Variants in SRGAP2C observed in about 807,000 individuals in gnomAD.
The protein encoded by SRGAP2C is SLIT-ROBO Rho GTPase-activating protein 2C.
In SRGAP2C, 15 loss-of-function variants were observed where a neutral mutation model predicts 25.1. The ratio of observed to expected loss-of-function variants is 0.60; its 90% confidence interval spans 0.40 to 0.92. The LOEUF is 0.92. Ranked by LOEUF, SRGAP2C falls within the 40% of genes least tolerant of loss-of-function variation. The pLI is 0.00. For missense variants in SRGAP2C, 144 were observed against 264.4 expected (o/e 0.54, Z 3.16); for synonymous variants, 44 against 96.6 (o/e 0.46, Z 3.19).
chr1:121,277,981 C>T (rs1657145496), intron 2 of SRGAP2C, among the ~76,000 whole-genome samples: 1 of 145,284 alleles, frequency 6.9e-6, no homozygotes, highest in Non-Finnish European at 1.5e-5. Context: ...TGCTCTGTCA[C>T]CCAGGCTGGA....
chr1:121,336,017 G>A (rs1279614460), intron 4 of SRGAP2C, among the ~76,000 whole-genome samples: 1 of 150,558 alleles, frequency 6.6e-6, no homozygotes, highest in Non-Finnish European at 1.5e-5. Flanking sequence ...GTATATTTTG[G>A]TTTTGCCCTT....
intron 7 of SRGAP2C, among the ~76,000 whole-genome samples, chr1:121,379,070 T>C (rs1553354131): frequency 6.6e-6 from 1 of 152,208 alleles, no homozygotes; most frequent in Non-Finnish European, 1.5e-5. Context: ...ATTGTCCTCA[T>C]GCATAGCTGG....
At chr1:121,283,728 C>T in intron 2 of SRGAP2C, among the ~76,000 whole-genome samples, 1 of 151,020 alleles carries the variant, frequency 6.6e-6, no homozygotes, top group Non-Finnish European at 1.5e-5. Flanking sequence ...TGGCTCCATT[C>T]TGACTCAGAT....
Position 121,284,934 on chromosome 1 carries a change from C to T in SRGAP2C, c.199C>T (p.Leu67=), listed in dbSNP as rs1657325714. ...GATTGAGATGGACTACTCCCGCAAC[C>T]TGGAGAAGCTGGCAGAACACTTCCT... is the stretch of plus-strand genomic sequence containing the variant. ...AEIEMDYSRN[L]EKLAEHFLAK... is the part of the protein sequence containing the mutation. Residue 67 remains leucine, a synonymous_variant, in exon 3 of 10, where the codon CTG becomes TTG. Transcript: ENST00000367123. 45 of 1,547,276 alleles carry T rather than the reference C, an allele frequency of 2.9e-5. 1 individual carries two copies. The South Asian group carries it at 5.2e-4, about 18-fold the overall frequency.
At chr1:121,188,431 G>C (rs1654583694) in intron 2 of SRGAP2C, among the ~76,000 whole-genome samples, 1 of 150,060 alleles carries the variant, frequency 6.7e-6, no homozygotes, top group Non-Finnish European at 1.5e-5. Context: ...GTTCCTGCCT[G>C]TTAAAGAGCT....
chr1:121,378,745 G>T (rs1302176199), intron 7 of SRGAP2C, among the ~76,000 whole-genome samples: 3 of 152,068 alleles, frequency 2.0e-5, no homozygotes, highest in Non-Finnish European at 2.9e-5. Context: ...CCTTCCTAGT[G>T]GTTCTGAAGC....
chr1:121,235,692 C>A (rs1655941075), intron 2 of SRGAP2C, among the ~76,000 whole-genome samples: 1 of 61,154 alleles, frequency 1.6e-5, no homozygotes, highest in Non-Finnish European at 2.9e-5. Flanking sequence ...AATGAACCTC[C>A]ATGTACCCAA....
chr1:121,190,148 G>A (rs1434056458), intron 2 of SRGAP2C, among the ~76,000 whole-genome samples: 1 of 152,190 alleles, frequency 6.6e-6, no homozygotes, highest in African/African-American at 2.4e-5. Context: ...ATCTGGTTTG[G>A]CTCTGCCTCC....
intron 2 of SRGAP2C, among the ~76,000 whole-genome samples, chr1:121,223,077 G>A (rs1450192541): frequency 3.9e-5 from 6 of 152,066 alleles, no homozygotes; most frequent in African/African-American, 1.4e-4. Flanking sequence ...AAGCAGTATG[G>A]TGCTTGGGTC....
intron 7 of SRGAP2C, among the ~76,000 whole-genome samples, chr1:121,378,890 C>G (rs1194084006): frequency 6.6e-6 from 1 of 152,294 alleles, no homozygotes; most frequent in East Asian, 1.9e-4. Context: ...TGTAGGAATC[C>G]ACGTGAGGCA....
At position 121,328,517 on chromosome 1, in the gene SRGAP2C, G is replaced by C. The variant is rs1475984112; in HGVS notation, c.423+3877G>C. 6.0e-4 allele frequency among the ~76,000 whole-genome samples: 91 copies of C among 151,628 alleles called. 2 individuals carry two copies. The South Asian group carries it at 0.018, about 31-fold the overall frequency. ...TGTATTATCTCCTTTAATCCTTACC[G>C]TAATTTTATAAAGTAGTTACTATTG... On this transcript the variant is annotated intron_variant, in intron 4 of 9. Transcript: ENST00000367123.
At chr1:121,360,919 G>A (rs1553348450) in intron 4 of SRGAP2C, 3 of 147,832 alleles carry the variant, frequency 2.0e-5, no homozygotes, top group African/African-American at 7.5e-5. Flanking sequence ...AGTGGTTGTT[G>A]GGGAGATATG....
chr1:121,383,151 C>T (rs1659871373), intron 8 of SRGAP2C, among the ~76,000 whole-genome samples: 1 of 150,478 alleles, frequency 6.6e-6, no homozygotes, highest in African/African-American at 2.5e-5. Flanking sequence ...GGGGAGCTTA[C>T]AGTCTGGGGA....
intron 2 of SRGAP2C, among the ~76,000 whole-genome samples, chr1:121,266,121 C>T (rs1553334251): frequency 6.6e-6 from 1 of 151,126 alleles, no homozygotes; most frequent in African/African-American, 2.4e-5. Context: ...ATTACAGGTG[C>T]CTACACCACA....
intron 2 of SRGAP2C, among the ~76,000 whole-genome samples, chr1:121,236,035 C>A (rs1182878738): frequency 7.6e-6 from 1 of 131,964 alleles, no homozygotes; most frequent in Admixed American, 7.8e-5. Context: ...TTGACGTGAT[C>A]CTGTTGGACT....
chr1:121,353,113 A>T (rs1421090815), intron 4 of SRGAP2C, among the ~76,000 whole-genome samples: 14 of 149,548 alleles, frequency 9.4e-5, no homozygotes, highest in East Asian at 2.0e-4. Context: ...AAAGAAAAAA[A>T]ATATAGATCT....
At chr1:121,293,776 A>G (rs1657539598) in intron 3 of SRGAP2C, among the ~76,000 whole-genome samples, 1 of 129,808 alleles carries the variant, frequency 7.7e-6, no homozygotes, top group Non-Finnish European at 1.6e-5. Flanking sequence ...CTGTTGGGCT[A>G]GCAATGCCAT....
chr1:121,228,744 A>T (rs1349663073), intron 2 of SRGAP2C, among the ~76,000 whole-genome samples: 4 of 151,644 alleles, frequency 2.6e-5, no homozygotes, highest in African/African-American at 9.8e-5. Context: ...ATGTTTATTA[A>T]ACACTTGAAT....
At chr1:121,211,520 T>C (rs1250251177) in intron 2 of SRGAP2C, among the ~76,000 whole-genome samples, 1 of 150,982 alleles carries the variant, frequency 6.6e-6, no homozygotes, top group Non-Finnish European at 1.5e-5. Context: ...TTTCTATATA[T>C]TTTAAATAGC....
Sources: gnomAD v4.1 joint callset for allele counts (sites outside exome capture counted in the v4.1 genomes callset) on GRCh38, gnomAD v4.1.1 for gene constraint, MANE v1.5 for transcripts, NCBI Gene and HGNC (gene_info 2026-07-23, HGNC 2026-07-21) for gene names.